ROBO2: variants seen among roughly 807,000 people sequenced by gnomAD.
ROBO2 encodes roundabout homolog 2.
A neutral mutation model predicts 160.8 loss-of-function variants in ROBO2; 53 were observed. The ratio of observed to expected loss-of-function variants is 0.33; its 90% CI spans 0.26 to 0.41. ROBO2 has a LOEUF of 0.41. ROBO2 is among the 10% of genes least tolerant of loss of function. The probability of loss-of-function intolerance (pLI) is 1.00; values close to 1 mark genes in which losing one functional copy is unlikely to be tolerated. For synonymous variants in ROBO2, 664 were observed against 611.7 expected, an observed-to-expected ratio of 1.09 and a Z score of -1.26; for missense variants, 1,577 against 1,722.4, an observed-to-expected ratio of 0.92 and a Z score of 1.49.
At chr3:77,440,694 G>A (rs1257995432) in intron 2 of ROBO2, among the ~76,000 whole-genome samples, 1 of 152,184 alleles carries the variant, frequency 6.6e-6, no homozygotes, top group African/African-American at 2.4e-5. Flanking sequence ...CAAGACCTAT[G>A]TGAAAGCTCA....
intron 1 of ROBO2, among the ~76,000 whole-genome samples, chr3:77,088,826 A>G (rs1369823341): frequency 1.3e-5 from 2 of 152,200 alleles, no homozygotes; most frequent in African/African-American, 4.8e-5. Context: ...TTTGTAATCT[A>G]TACATTTATC....
chr3:77,249,141 G>A (rs970412048), intron 2 of ROBO2, among the ~76,000 whole-genome samples: 4 of 152,096 alleles, frequency 2.6e-5, no homozygotes, highest in Admixed American at 6.5e-5. Flanking sequence ...GTGAGCCACC[G>A]CCCCTGCCCA....
At chr3:76,812,788 A>G (rs1432987966) in intron 2 of ROBO2, among the ~76,000 whole-genome samples, 1 of 152,060 alleles carries the variant, frequency 6.6e-6, no homozygotes, top group African/African-American at 2.4e-5. Flanking sequence ...ACTGTGAAAG[A>G]CATAGAGCAA....
chr3:77,579,016 A>G (rs966712122), intron 15 of ROBO2, among the ~76,000 whole-genome samples: 1 of 152,158 alleles, frequency 6.6e-6, no homozygotes, highest in Non-Finnish European at 1.5e-5. Flanking sequence ...ACCATATATC[A>G]ATAAAAGAAA....
chr3:76,951,483 A>G (rs982048180), intron 2 of ROBO2, among the ~76,000 whole-genome samples: 1 of 152,232 alleles, frequency 6.6e-6, no homozygotes, highest in African/African-American at 2.4e-5. Context: ...GTAAAGGTCA[A>G]TGTAACAAAA....
In ROBO2 at chr3:76,294,197, A is replaced by G. The variant is rs148042961; in HGVS notation, c.109+356595A>G. ...AGCAGTTATTCCGAGCCTGCAGGGCAAAGGGGGTTTCCTGGGCCTCCCAGA... is the reference window on the plus strand; with the variant it reads ...AGCAGTTATTCCGAGCCTGCAGGGCGAAGGGGGTTTCCTGGGCCTCCCAGA... On this transcript the variant is annotated intron_variant, in intron 2 of 26. Transcript: ENST00000487694. Among the ~76,000 whole-genome samples the G allele has an allele frequency of 3.5e-3, 535 of 152,238 alleles. 2 individuals are homozygous for G. The highest frequency in any genetic ancestry group is 0.012 in the African/African-American group (501 of 41,550).
chr3:76,349,411 A>G (rs536991484), intron 2 of ROBO2, among the ~76,000 whole-genome samples: 12 of 152,220 alleles, frequency 7.9e-5, no homozygotes, highest in African/African-American at 2.6e-4. Context: ...TTATCACAGC[A>G]ATCCTAAGAC....
Position 75,991,680 on chromosome 3 carries a change from A to G in ROBO2, c.109+54078A>G, listed in dbSNP as rs183110063. On this transcript the variant is annotated intron_variant, in intron 2 of 26. Transcript: ENST00000487694. Reference sequence around the variant, plus strand: ...AAAAGATACCCCAAAATGTGGAATCAACTTTGGAATTCAGTAACAAGCAGA... The same window carrying G: ...AAAAGATACCCCAAAATGTGGAATCGACTTTGGAATTCAGTAACAAGCAGA... Among the ~76,000 whole-genome samples, 243 of 152,254 alleles carry G rather than the reference A, an allele frequency of 1.6e-3. 1 individual carries two copies. Among genetic ancestry groups the G allele is most frequent in the African/African-American group, 4.8e-3 (200 of 41,538 alleles).
At chr3:76,333,288 C>T (rs1001534466) in intron 2 of ROBO2, among the ~76,000 whole-genome samples, 4 of 152,172 alleles carry the variant, frequency 2.6e-5, no homozygotes, top group African/African-American at 7.2e-5. Context: ...ATGCCTAAGA[C>T]AGTGTCCAGT....
At chr3:76,509,759 A>G (rs917735241) in intron 2 of ROBO2, among the ~76,000 whole-genome samples, 4 of 152,170 alleles carry the variant, frequency 2.6e-5, no homozygotes, top group Non-Finnish European at 5.9e-5. Flanking sequence ...TAAATTTCAC[A>G]ATTTGTTTAG....
At chr3:77,176,283 C>T (rs116528655) in intron 2 of ROBO2, among the ~76,000 whole-genome samples, 1,624 of 152,084 alleles carry the variant, frequency 0.011, 16 homozygotes, top group Non-Finnish European at 0.015. Context: ...TTACAGATAA[C>T]CTTTAACAAT....
chr3:76,329,747 A>G (rs1474659419), intron 2 of ROBO2, among the ~76,000 whole-genome samples: 1 of 152,166 alleles, frequency 6.6e-6, no homozygotes, highest in Non-Finnish European at 1.5e-5. Flanking sequence ...TTTTAACACA[A>G]ATTTTGAAGT....
intron 2 of ROBO2, among the ~76,000 whole-genome samples, chr3:76,938,971 C>CAAAAAAAAAAA (rs71629626): frequency 1.3e-4 from 15 of 114,584 alleles, no homozygotes; most frequent in African/African-American, 4.1e-4. Flanking sequence ...AACTCAGTCT[C>CAAAAAAAAAAA]AAAAAAAAAA....
chr3:76,655,223 T>G (rs1420749605), intron 2 of ROBO2, among the ~76,000 whole-genome samples: 1 of 150,306 alleles, frequency 6.7e-6, no homozygotes, highest in Non-Finnish European at 1.5e-5. Context: ...AACAGAAAAC[T>G]GAAGAAATAG....
chr3:77,619,053 G>A (rs184391013), intron 22 of ROBO2, among the ~76,000 whole-genome samples: 43 of 152,198 alleles, frequency 2.8e-4, no homozygotes, highest in African/African-American at 1.0e-3. Flanking sequence ...ATTGGTACCT[G>A]GGCTCCACTC....
intron 2 of ROBO2, among the ~76,000 whole-genome samples, chr3:76,786,279 A>G (rs187633946): frequency 1.3e-5 from 2 of 151,270 alleles, no homozygotes. Context: ...TTTAAATGAG[A>G]CCTATATTAG....
chr3:76,941,623 G>C (rs2078194511), intron 2 of ROBO2, among the ~76,000 whole-genome samples: 1 of 152,150 alleles, frequency 6.6e-6, no homozygotes, highest in South Asian at 2.1e-4. Context: ...GTCTTATGCA[G>C]CTAACTTTTG....
At position 77,481,285 on chromosome 3, in the gene ROBO2, T is replaced by A. The variant is rs568378214; in HGVS notation, c.667+66T>A. The A allele has an allele frequency of 2.2e-6, 3 of 1,353,608 alleles. 1 individual carries two copies. In the Admixed American group the frequency reaches 8.2e-5, roughly 37 times the overall value. 83.8% of individuals were successfully genotyped at this position (1,353,608 alleles called of 1,614,324 possible). On this transcript the variant is annotated intron_variant, in intron 4 of 25. Transcript: ENST00000461745. Reference sequence around the variant, plus strand: ...ATTTTTCTTTGCTTTTAAGTATTACTAACATTAAAAACTGGGCCATATAAG... The same window carrying A: ...ATTTTTCTTTGCTTTTAAGTATTACAAACATTAAAAACTGGGCCATATAAG...
intron 2 of ROBO2, among the ~76,000 whole-genome samples, chr3:76,995,460 A>G (rs540325555): frequency 1.3e-5 from 2 of 152,304 alleles, no homozygotes; most frequent in Admixed American, 6.5e-5. Context: ...CTTTGAGTAT[A>G]TACCCAGTAA....
Sources: allele counts gnomAD v4.1 joint callset (sites outside exome capture counted in the v4.1 genomes callset), GRCh38; gene constraint gnomAD v4.1.1; transcripts MANE v1.5; gene names NCBI Gene and HGNC (gene_info 2026-07-23, HGNC 2026-07-21).